Variants in LMBRD2 observed in about 807,000 individuals in gnomAD.
The protein encoded by LMBRD2 is LMBR1 domain containing 2.
A neutral mutation model predicts 94.4 loss-of-function variants in LMBRD2; 55 were observed. The observed-to-expected ratio is 0.58, with a 90% confidence interval of 0.47 to 0.73. LMBRD2 has a LOEUF of 0.73. Ranked by LOEUF, LMBRD2 falls within the 30% of genes least tolerant of loss-of-function variation. The probability of loss-of-function intolerance (pLI) is 0.00; values close to 1 mark genes in which losing one functional copy is unlikely to be tolerated. For missense variants in LMBRD2, 640 were observed against 831.9 expected, an observed-to-expected ratio of 0.77 and a Z score of 2.84; for synonymous variants, 246 against 272.4, an observed-to-expected ratio of 0.90 and a Z score of 0.95.
Position 36,108,634 on chromosome 5 carries a change from C to A in LMBRD2, c.1797G>T (p.Trp599Cys). ...CTCTATTGTGTCCATAACGTTCTTT[C>A]CATTCCTAGAAAAGAAGCACAAATA... ...QEEGENRRRE[W>C]KERYGHNRED... Residue 599 changes from tryptophan to cysteine, a missense_variant, in exon 16 of 18, where the codon TGG becomes TGT. Physicochemically the swap from Trp to Cys is radical, Grantham distance 215 (BLOSUM62 -2). Transcript: ENST00000296603. 1 of 1,480,372 alleles carries A rather than the reference C, an allele frequency of 6.8e-7. No homozygotes were observed. 91.7% of individuals were successfully genotyped at this position (1,480,372 alleles called of 1,614,324 possible).
chr5:36,141,121 T>A lies in LMBRD2; in HGVS notation c.354A>T (p.Ser118=), dbSNP rs1350585573. 1 of 1,592,242 alleles carries A rather than the reference T, an allele frequency of 6.3e-7. No homozygotes were observed. ...PIFWRVVYWT[S]QFLTWILLPF... ...CTGTAACTTACCATGTTAAAAATTG[T>A]GACGTCCAATACACTACCCTCCAGA... is the stretch of plus-strand genomic sequence containing the variant. The change falls in exon 4 of 18, where the codon TCA becomes TCT. Residue 118 remains serine (S), a synonymous_variant. Transcript: ENST00000296603.
chr5:36,114,233 C>CT (rs2111856061), intron 13 of LMBRD2, among the ~76,000 whole-genome samples, 191 bp downstream of exon 13: 1 of 152,136 alleles, frequency 6.6e-6, no homozygotes, highest in South Asian at 2.1e-4. Flanking sequence ...AACTCTACCT[C>CT]TTTTTTCTTT....
At chr5:36,104,454 C>A (rs1407916823) in intron 17 of LMBRD2, among the ~76,000 whole-genome samples, 2 of 151,938 alleles carry the variant, frequency 1.3e-5, no homozygotes, top group East Asian at 3.9e-4. Context: ...ATAGGCAATA[C>A]TATAGTAAAC....
At position 36,143,314 on chromosome 5, in the gene LMBRD2, A is replaced by G; in HGVS notation, c.36T>C (p.Phe12=). The change falls in exon 2 of 18, where the codon TTT becomes TTC. Residue 12 remains phenylalanine, a synonymous_variant. Coordinates refer to ENST00000296603, the MANE Select transcript of LMBRD2 (RefSeq NM_001007527.2). ...GCAGAAATAATGCCAGAAAAAAGAC[A>G]AAAACAATCTCAAGTCCCAAAGCTG... The part of the protein sequence containing the change: ...SGAALGLEIV[F]VFFLALFLLH... 6.2e-7 allele frequency: 1 copy of G among 1,613,684 alleles called. No homozygotes were observed. Among genetic ancestry groups the G allele is most frequent in the Non-Finnish European group, 8.5e-7 (1 of 1,179,762 alleles).
chr5:36,108,036 C>T (rs1743513653), intron 16 of LMBRD2, among the ~76,000 whole-genome samples: 1 of 152,108 alleles, frequency 6.6e-6, no homozygotes, highest in African/African-American at 2.4e-5. Flanking sequence ...GTTTCCTAAC[C>T]CACCCTGGTA....
intron 8 of LMBRD2, among the ~76,000 whole-genome samples, 154 bp from the exon 9 acceptor site, chr5:36,122,617 A>T (rs1417432218): frequency 1.3e-5 from 2 of 152,182 alleles, no homozygotes. Flanking sequence ...AAAATGATGT[A>T]ACAGTTTTAT....
At chr5:36,122,589 T>A (rs1743912433) in intron 8 of LMBRD2, 126 bp from the exon 9 acceptor site, 1 of 901,960 alleles carries the variant, frequency 1.1e-6, no homozygotes, top group African/African-American at 1.7e-5. Context: ...TGGGTCAGGC[T>A]GAGAATATTA....
At position 36,115,069 on chromosome 5, in the gene LMBRD2, G is replaced by A. The variant is rs1277451023; in HGVS notation, c.1488C>T (p.Thr496=). 1 of 1,611,968 alleles carries A rather than the reference G, an allele frequency of 6.2e-7. No individual in the cohort carries two copies. The highest frequency in any genetic ancestry group is 1.1e-5 in the South Asian group (1 of 90,856). The change falls in exon 12 of 18, where the codon ACC becomes ACT. Residue 496 remains threonine, a synonymous_variant. Coordinates refer to ENST00000296603, the MANE Select transcript of LMBRD2 (RefSeq NM_001007527.2). ...TGTGAGAGATAGATGAATCCATATG[G>A]GTCAAACCCAAGAAATTAAGACATA... is the stretch of plus-strand genomic sequence containing the variant. ...PPLCLNFLGL[T]HMDSSISHKN...
At chr5:36,137,595 T>G (rs769068249) in intron 4 of LMBRD2, among the ~76,000 whole-genome samples, 154 bp from the exon 5 acceptor site, 4 of 152,242 alleles carry the variant, frequency 2.6e-5, no homozygotes, top group Non-Finnish European at 5.9e-5. Context: ...ATAACTATAA[T>G]AGATGACTGA....
At chr5:36,133,400 A>G (rs1339068590) in intron 6 of LMBRD2, among the ~76,000 whole-genome samples, 1 of 152,144 alleles carries the variant, frequency 6.6e-6, no homozygotes, top group Non-Finnish European at 1.5e-5. Context: ...GGATACAAAA[A>G]TATAGTTAGA....
At chr5:36,111,326 CT>C in intron 13 of LMBRD2, 68 bp from the exon 14 acceptor site, 1 of 1,051,294 alleles carries the variant, frequency 9.5e-7, no homozygotes, top group Non-Finnish European at 1.5e-6. Context: ...ATGAATTGTT[CT>C]TTAGCATTGT....
Position 36,124,154 on chromosome 5 carries a change from A to G in LMBRD2, c.822+37T>C, listed in dbSNP as rs146824241. 130 of 1,189,610 alleles carry G rather than the reference A, an allele frequency of 1.1e-4. No homozygotes were observed. The African/African-American group carries it at 1.8e-3, about 16-fold the overall frequency. 73.7% of individuals were successfully genotyped at this position (1,189,610 alleles called of 1,614,324 possible). A position where few individuals can be genotyped will look rare whatever the true frequency, so the allele number is the denominator to read the frequency against. The stretch of plus-strand genomic sequence containing the variant: ...TTTTGGTATAATATTATATAAGTGT[A>G]TATTTCAAAAGGAAACAGACAAGAT... On this transcript the variant is annotated intron_variant, in intron 7 of 17. Coordinates refer to ENST00000296603, the MANE Select transcript of LMBRD2 (RefSeq NM_001007527.2).
At chr5:36,133,372 G>A (rs1230161988) in intron 6 of LMBRD2, among the ~76,000 whole-genome samples, 2 of 151,782 alleles carry the variant, frequency 1.3e-5, no homozygotes, top group Admixed American at 1.3e-4. Context: ...GGGAGGGTGG[G>A]AAGTGGGAAT....
rs761046302 is a variant in LMBRD2 at position 36,099,322 on chromosome 5, A to G, written c.*4724T>C. The G allele has an allele frequency of 1.3e-5, 2 of 152,184 alleles. No individual in the cohort carries two copies. Among genetic ancestry groups the G allele is most frequent in the Non-Finnish European group, 2.9e-5 (2 of 67,994 alleles). The allele number at this position is 152,184 out of a possible 1,614,324, so 9.4% of individuals were successfully genotyped here. The stretch of plus-strand genomic sequence containing the variant: ...TATTAGAGCTCTGTTGTATCATTCA[A>G]TGTTATAATTTATAAATACATATTA... On this transcript the variant is annotated 3_prime_UTR_variant, in exon 18 of 18. Coordinates refer to ENST00000296603, the MANE Select transcript of LMBRD2 (RefSeq NM_001007527.2).
chr5:36,112,001 A>G (rs1006544694), intron 13 of LMBRD2, among the ~76,000 whole-genome samples: 3 of 152,030 alleles, frequency 2.0e-5, no homozygotes, highest in Non-Finnish European at 4.4e-5. Context: ...AACTTTTTCA[A>G]TGATGTACTT....
At chr5:36,105,785 T>G (rs753019566) in intron 16 of LMBRD2, among the ~76,000 whole-genome samples, 1 of 152,180 alleles carries the variant, frequency 6.6e-6, no homozygotes, top group African/African-American at 2.4e-5. Context: ...ATGTTGCAAG[T>G]GCTCAATAGC....
chr5:36,122,480 G>A lies in LMBRD2; in HGVS notation c.937-17C>T, dbSNP rs750366382. On this transcript the variant is annotated splice_polypyrimidine_tract_variant and intron_variant, in intron 8 of 17. Coordinates refer to ENST00000296603, the MANE Select transcript of LMBRD2 (RefSeq NM_001007527.2). Reference sequence around the variant, plus strand: ...ATAAATCACCTAAAAAAGAGAATGGGGGTAGACCTGGCAGTGTTCTGATCC... The same window carrying A: ...ATAAATCACCTAAAAAAGAGAATGGAGGTAGACCTGGCAGTGTTCTGATCC... 6.2e-7 allele frequency: 1 copy of A among 1,603,072 alleles called. No individual in the cohort carries two copies. The highest frequency in any genetic ancestry group is 8.5e-7 in the Non-Finnish European group (1 of 1,173,588).
At chr5:36,132,751 G>T (rs1195925939) in intron 6 of LMBRD2, among the ~76,000 whole-genome samples, 1 of 150,874 alleles carries the variant, frequency 6.6e-6, no homozygotes, top group Non-Finnish European at 1.5e-5. Context: ...CACTTATTTG[G>T]CTAATTCCTT....
chr5:36,116,420 T>C, intron 11 of LMBRD2, 40 bp downstream of exon 11: 2 of 1,581,238 alleles, frequency 1.3e-6, no homozygotes, highest in South Asian at 2.3e-5. Context: ...ATACACTCAA[T>C]GATGACATTT....
Sources: allele counts gnomAD v4.1 joint callset (sites outside exome capture counted in the v4.1 genomes callset), GRCh38; gene constraint gnomAD v4.1.1; transcripts MANE v1.5; gene names NCBI Gene and HGNC (gene_info 2026-07-23, HGNC 2026-07-21).